Variants in UCHL1 observed in about 807,000 individuals in gnomAD.
The protein encoded by UCHL1 is ubiquitin C-terminal hydrolase L1.
Under a neutral mutation model 33.3 loss-of-function variants are expected in UCHL1, and 5 were observed. That is an observed-to-expected ratio of 0.15 (90% CI 0.08 to 0.32). The LOEUF is 0.32. Among genes scored for constraint, UCHL1 ranks in the 10% least tolerant of loss-of-function variants. The pLI is 1.00. For missense variants in UCHL1, 236 were observed against 280.0 expected (o/e 0.84, Z 1.12); for synonymous variants, 132 against 108.8 (o/e 1.21, Z -1.33).
chr4:41,260,533 GGGTTCT>G, intron 3 of UCHL1, 108 bp from the exon 4 acceptor site: 1 of 1,295,478 alleles, frequency 7.7e-7, no homozygotes, highest in East Asian at 2.5e-5. Flanking sequence ...CTAGAACCAG[GGGTTCT>G]GGTCACACAT....
chr4:41,257,244 C>A, intron 2 of UCHL1, 118 bp downstream of exon 2: 2 of 1,513,752 alleles, frequency 1.3e-6, no homozygotes, highest in South Asian at 1.2e-5. Flanking sequence ...CCGGAGACGG[C>A]CGGGCTGGGG....
Position 41,257,135 on chromosome 4 carries a change from C to A in UCHL1, c.45+9C>A, listed in dbSNP as rs1349359748. ...TTCAGATGCTGAACAAAGTGAGTGGCGTCTCGCGCCGTCTCTGGCCCCCTC... is the reference window on the plus strand; with the variant it reads ...TTCAGATGCTGAACAAAGTGAGTGGAGTCTCGCGCCGTCTCTGGCCCCCTC... On this transcript the variant is annotated intron_variant, in intron 2 of 8. Coordinates refer to ENST00000284440, the MANE Select transcript of UCHL1 (RefSeq NM_004181.5). 1 of 1,612,246 alleles carries A rather than the reference C, an allele frequency of 6.2e-7. No homozygotes were observed. The highest frequency in any genetic ancestry group is 8.5e-7 in the Non-Finnish European group (1 of 1,179,844).
At chr4:41,257,391 A>T in intron 2 of UCHL1, 1 of 882,914 alleles carries the variant, frequency 1.1e-6, no homozygotes, top group South Asian at 1.9e-5. Flanking sequence ...CGCGGGCAGC[A>T]CAGACTCGGC....
rs1219450284 is a variant in UCHL1 at position 41,257,140 on chromosome 4, C to G, written c.45+14C>G. ...ATGCTGAACAAAGTGAGTGGCGTCT[C>G]GCGCCGTCTCTGGCCCCCTCCCCCG... On this transcript the variant is annotated intron_variant, in intron 2 of 8. Coordinates refer to ENST00000284440, the MANE Select transcript of UCHL1 (RefSeq NM_004181.5). 1 of 1,612,350 alleles carries G rather than the reference C, an allele frequency of 6.2e-7. No individual in the cohort carries two copies. Among genetic ancestry groups the G allele is most frequent in the East Asian group, 2.2e-5 (1 of 44,858 alleles).
At chr4:41,257,950 C>T (rs1781009998) in intron 3 of UCHL1, among the ~76,000 whole-genome samples, 1 of 152,224 alleles carries the variant, frequency 6.6e-6, no homozygotes, top group South Asian at 2.1e-4. Flanking sequence ...TCCACAATTG[C>T]CTTAAATTTG....
intron 7 of UCHL1, 81 bp downstream of exon 7, chr4:41,263,372 C>A: frequency 3.1e-6 from 4 of 1,280,646 alleles, no homozygotes; most frequent in Middle Eastern, 1.8e-4. Context: ...TATTGTGTGA[C>A]TTTATGGCAC....
chr4:41,260,571 T>C, intron 3 of UCHL1, 76 bp from the exon 4 acceptor site: 1 of 1,546,906 alleles, frequency 6.5e-7, no homozygotes, highest in Non-Finnish European at 8.8e-7. Flanking sequence ...TTCCATTTAG[T>C]TGGTAGAACT....
intron 6 of UCHL1, among the ~76,000 whole-genome samples, chr4:41,262,735 T>C (rs1781092831): frequency 6.6e-6 from 1 of 151,866 alleles, no homozygotes; most frequent in South Asian, 2.1e-4. Context: ...GCCTCCCGAG[T>C]AGCTGGGATT....
At chr4:41,265,443 T>A (rs943842699) in intron 8 of UCHL1, among the ~76,000 whole-genome samples, 2 of 152,150 alleles carry the variant, frequency 1.3e-5, no homozygotes, top group South Asian at 4.1e-4. Flanking sequence ...CCAGACCTGG[T>A]GGTGCATTCC....
At chr4:41,263,028 C>G (rs1029184452) in intron 6 of UCHL1, among the ~76,000 whole-genome samples, 197 bp from the exon 7 acceptor site, 1 of 152,148 alleles carries the variant, frequency 6.6e-6, no homozygotes, top group African/African-American at 2.4e-5. Context: ...GTAATAGCAT[C>G]CTCATAGAGT....
At chr4:41,261,849 G>A (rs1467896240) in intron 5 of UCHL1, 27 bp from the exon 6 acceptor site, 1 of 1,613,936 alleles carries the variant, frequency 6.2e-7, no homozygotes, top group Non-Finnish European at 8.5e-7. Flanking sequence ...AGAGATTTTT[G>A]TGCTAATTAT....
chr4:41,264,138 A>G lies in UCHL1; in HGVS notation c.562A>G (p.Ser188Gly), dbSNP rs766696874. ...RMPFPVNHGA[S>G]SEDTLLKDAA... is the part of the protein sequence containing the mutation. ...GCCTTTTCCGGTGAACCATGGCGCC[A>G]GTTCAGAGGACACCCTGCTGAAGGT... Residue 188 changes from serine (S) to glycine (G), a missense_variant, in exon 8 of 9, where the codon AGT becomes GGT. Ser to Gly is a moderately conservative substitution (Grantham distance 56, BLOSUM62 0). Coordinates refer to ENST00000284440, the MANE Select transcript of UCHL1 (RefSeq NM_004181.5). 2 of 1,614,218 alleles carry G rather than the reference A, an allele frequency of 1.2e-6. No individual in the cohort carries two copies. Among genetic ancestry groups the G allele is most frequent in the Non-Finnish European group, 1.7e-6 (2 of 1,180,034 alleles).
intron 8 of UCHL1, 104 bp downstream of exon 8, chr4:41,264,265 C>A: frequency 6.8e-7 from 1 of 1,461,422 alleles, no homozygotes; most frequent in East Asian, 2.3e-5. Context: ...GCATCAGTTG[C>A]CTGGGTTAAT....
chr4:41,257,243 G>T (rs1198990692), intron 2 of UCHL1, 117 bp downstream of exon 2: 2 of 1,515,000 alleles, frequency 1.3e-6, no homozygotes, highest in Non-Finnish European at 8.9e-7. Context: ...ACCGGAGACG[G>T]CCGGGCTGGG....
At chr4:41,263,710 A>G (rs1416802667) in intron 7 of UCHL1, among the ~76,000 whole-genome samples, 1 of 152,248 alleles carries the variant, frequency 6.6e-6, no homozygotes, top group Non-Finnish European at 1.5e-5. Context: ...CTACAGGCTT[A>G]CAAAGGCAAA....
rs1781118410 is a variant in UCHL1, at chr4:41,264,145, A to G, written c.569A>G (p.Glu190Gly). Residue 190 changes from glutamate to glycine, a missense_variant, in exon 8 of 9, where the codon GAG (glutamate) becomes GGG (glycine). Transcript: ENST00000284440. ...CCGGTGAACCATGGCGCCAGTTCAG[A>G]GGACACCCTGCTGAAGGTCATCTTT... ...PFPVNHGASS[E>G]DTLLKDAAKV... The G allele has an allele frequency of 3.1e-6, 5 of 1,614,110 alleles. No homozygotes were observed. The Admixed American group carries it at 8.3e-5, about 27-fold the overall frequency.
chr4:41,256,933 T>G lies in UCHL1; in HGVS notation c.-44T>G, dbSNP rs757358332. 1 of 1,613,872 alleles carries G rather than the reference T, an allele frequency of 6.2e-7. No homozygotes were observed. Among genetic ancestry groups the G allele is most frequent in the Admixed American group, 1.7e-5 (1 of 60,028 alleles). ...GCAGCCTGGGCGGCTCCGCTAGCTG[T>G]TTTTCGTCTTCCCTAGGCTATTTCT... On this transcript the variant is annotated 5_prime_UTR_variant, in exon 1 of 9. Coordinates refer to ENST00000284440, the MANE Select transcript of UCHL1 (RefSeq NM_004181.5).
chr4:41,262,946 TTCTA>T, intron 6 of UCHL1, among the ~76,000 whole-genome samples: 1 of 151,944 alleles, frequency 6.6e-6, no homozygotes, highest in East Asian at 1.9e-4. Flanking sequence ...GGCTGCCACT[TTCTA>T]GCATTGACCT....
At chr4:41,264,324 T>C in intron 8 of UCHL1, 163 bp downstream of exon 8, 1 of 863,724 alleles carries the variant, frequency 1.2e-6, no homozygotes, top group Non-Finnish European at 1.9e-6. Flanking sequence ...ATCTACCTTA[T>C]TTTATTGCAA....
Sources: gnomAD v4.1 joint callset for allele counts (sites outside exome capture counted in the v4.1 genomes callset) on GRCh38, gnomAD v4.1.1 for gene constraint, MANE v1.5 for transcripts, NCBI Gene and HGNC (gene_info 2026-07-23, HGNC 2026-07-21) for gene names.